DYNAP: variants seen among roughly 807,000 people sequenced by gnomAD.
DYNAP encodes the protein dynactin associated protein.
In DYNAP, 7 loss-of-function variants were observed where a neutral mutation model predicts 8.5. The observed-to-expected ratio is 0.82, with a 90% CI of 0.47 to 1.54. DYNAP has a LOEUF of 1.54. Ranked by LOEUF, DYNAP falls within the 40% of genes most tolerant of loss-of-function variation. The pLI is 0.01. For synonymous variants in DYNAP, 77 were observed against 77.9 expected (o/e 0.99, Z 0.06); for missense variants, 256 against 224.3 (o/e 1.14, Z -0.90).
At chr18:54,587,718 T>G, upstream of DYNAP, 2 of 394,902 alleles carry the variant, frequency 5.1e-6, no homozygotes, top group Non-Finnish European at 9.0e-6. Flanking sequence ...TATATCCATA[T>G]TCTGAAGAAA....
intron 1 of DYNAP, among the ~76,000 whole-genome samples, chr18:54,592,276 G>C: frequency 6.6e-6 from 1 of 150,478 alleles, no homozygotes; most frequent in South Asian, 2.1e-4. Flanking sequence ...TACTCAGATG[G>C]AAAAAAAAAT....
chr18:54,576,231 T>G, the DYNAP span, among the ~76,000 whole-genome samples: 1 of 152,212 alleles, frequency 6.6e-6, no homozygotes, highest in African/African-American at 2.4e-5. Context: ...GTTTTGGACA[T>G]ATACACTCAG....
chr18:54,576,564 T>C, the DYNAP span, among the ~76,000 whole-genome samples: 1 of 151,980 alleles, frequency 6.6e-6, no homozygotes, highest in Non-Finnish European at 1.5e-5. Flanking sequence ...TTCGGAAGGC[T>C]GAGGTGGGAG....
At chr18:54,587,236 G>A (rs933029010), upstream of DYNAP, among the ~76,000 whole-genome samples, 2 of 152,080 alleles carry the variant, frequency 1.3e-5, no homozygotes, top group East Asian at 1.9e-4. Flanking sequence ...AAGGAGGGAC[G>A]TAACTGTCTT....
rs76421124 is a variant in DYNAP at position 54,595,147 on chromosome 18, C to T, written c.222+44C>T. The T allele has an allele frequency of 3.1e-3, 4,897 of 1,568,268 alleles. 100 individuals carry two copies. The African/African-American group carries it at 0.05, about 16-fold the overall frequency. Reference sequence around the variant, plus strand: ...GCTTTTATTCAAGTTGGGATGTGCTCTATATGGGCATGTACTTTGCCTATT... The same window carrying T: ...GCTTTTATTCAAGTTGGGATGTGCTTTATATGGGCATGTACTTTGCCTATT... On this transcript the variant is annotated intron_variant, in intron 2 of 2. Coordinates refer to ENST00000648945, the MANE Select transcript of DYNAP (RefSeq NM_173629.3).
At chr18:54,585,804 G>A (rs1182362242), upstream of DYNAP, among the ~76,000 whole-genome samples, 3 of 152,116 alleles carry the variant, frequency 2.0e-5, no homozygotes, top group African/African-American at 7.2e-5. Flanking sequence ...CGAGTTCTAT[G>A]AGCTGCTCCA....
intron 1 of DYNAP, among the ~76,000 whole-genome samples, chr18:54,594,230 C>T (rs984981111): frequency 6.6e-6 from 1 of 152,090 alleles, no homozygotes; most frequent in Non-Finnish European, 1.5e-5. Context: ...TTACATTGCT[C>T]TATGCCCAAG....
chr18:54,589,131 T>TA (rs1274673535), upstream of DYNAP, among the ~76,000 whole-genome samples: 19 of 152,300 alleles, frequency 1.2e-4, 1 homozygote, highest in Admixed American at 3.9e-4. Flanking sequence ...AAGATGATTT[T>TA]AAAAAATCAA....
At chr18:54,577,231 C>G in the DYNAP span, among the ~76,000 whole-genome samples, 1 of 152,046 alleles carries the variant, frequency 6.6e-6, no homozygotes, top group Non-Finnish European at 1.5e-5. Flanking sequence ...TATTACTGTG[C>G]AGGAGAGAAG....
chr18:54,577,602 CAAA>C, the DYNAP span, among the ~76,000 whole-genome samples: 1,438 of 66,298 alleles, frequency 0.022, 22 homozygotes, highest in African/African-American at 0.062. Context: ...AATCTTGTTT[CAAA>C]AAAAAAAAAA....
At chr18:54,580,675 G>T in the DYNAP span, among the ~76,000 whole-genome samples, 3 of 152,114 alleles carry the variant, frequency 2.0e-5, no homozygotes, top group East Asian at 3.9e-4. Context: ...ATAGCTACTC[G>T]TAAGATAAAT....
chr18:54,593,099 G>T (rs1911145045), intron 1 of DYNAP, among the ~76,000 whole-genome samples: 1 of 152,136 alleles, frequency 6.6e-6, no homozygotes, highest in Non-Finnish European at 1.5e-5. Flanking sequence ...TGATAAACAT[G>T]GGACTGATAT....
In DYNAP at chr18:54,598,421, AT is replaced by A; in HGVS notation, c.*277del. The stretch of plus-strand genomic sequence containing the variant: ...ATCTGCAACCACTTCCACTTAACCT[AT>A]AACTACTGTAACTTCTACTTAGCCT... On this transcript the variant is annotated 3_prime_UTR_variant, in exon 3 of 3. Transcript: ENST00000648945. 2.6e-6 allele frequency: 1 copy of A among 383,914 alleles called. No individual in the cohort carries two copies. Among genetic ancestry groups the A allele is most frequent in the Non-Finnish European group, 4.8e-6 (1 of 209,978 alleles). The allele number at this position is 383,914 out of a possible 1,614,324, so 23.8% of individuals were successfully genotyped here. A position where few individuals can be genotyped will look rare whatever the true frequency, so the allele number is the denominator to read the frequency against.
chr18:54,597,666 A>G, intron 2 of DYNAP, 147 bp from the exon 3 acceptor site: 6 of 843,446 alleles, frequency 7.1e-6, no homozygotes, highest in Non-Finnish European at 1.0e-5. Flanking sequence ...TTCCACCTGC[A>G]TGAAAACATG....
At chr18:54,589,141 A>G (rs1910977301), upstream of DYNAP, among the ~76,000 whole-genome samples, 1 of 152,160 alleles carries the variant, frequency 6.6e-6, no homozygotes, top group African/African-American at 2.4e-5. Flanking sequence ...TAAAAAATCA[A>G]CTTTGACCTA....
upstream of DYNAP, among the ~76,000 whole-genome samples, chr18:54,589,730 T>C (rs916785819): frequency 2.0e-5 from 3 of 152,154 alleles, no homozygotes; most frequent in Non-Finnish European, 4.4e-5. Flanking sequence ...CCACTGTGGC[T>C]ATGTGGCTCT....
At chr18:54,581,156 G>A in the DYNAP span, among the ~76,000 whole-genome samples, 2 of 152,116 alleles carry the variant, frequency 1.3e-5, no homozygotes, top group Non-Finnish European at 2.9e-5. Flanking sequence ...GTTTCCTTAT[G>A]TGTAAAATTA....
At chr18:54,589,001 T>G (rs1280934275), upstream of DYNAP, among the ~76,000 whole-genome samples, 1 of 152,222 alleles carries the variant, frequency 6.6e-6, no homozygotes, top group East Asian at 1.9e-4. Context: ...TAATAATCCC[T>G]TTCCCTAAAA....
At chr18:54,590,455 A>T, upstream of DYNAP, among the ~76,000 whole-genome samples, 1 of 152,180 alleles carries the variant, frequency 6.6e-6, no homozygotes. Context: ...GAAGGTATTG[A>T]ATACATTTAT....
Sources: gnomAD v4.1 joint callset for allele counts (sites outside exome capture counted in the v4.1 genomes callset) on GRCh38, gnomAD v4.1.1 for gene constraint, MANE v1.5 for transcripts, NCBI Gene and HGNC (gene_info 2026-07-23, HGNC 2026-07-21) for gene names.